ARL15: variants seen among roughly 807,000 people sequenced by gnomAD.
ARL15 encodes ADP-ribosylation factor-like protein 15.
Under a neutral mutation model 25.2 loss-of-function variants are expected in ARL15, and 19 were observed. The observed-to-expected ratio is 0.75, with a 90% CI of 0.53 to 1.10. The LOEUF (loss-of-function observed/expected upper bound fraction) is 1.10. ARL15 is among the 50% of genes least tolerant of loss of function. ARL15 has a pLI of 0.00. For synonymous variants in ARL15, 94 were observed against 86.8 expected (o/e 1.08, Z -0.46); for missense variants, 220 against 246.0 (o/e 0.89, Z 0.71).
chr5:54,072,820 T>C (rs1230506066), intron 4 of ARL15, among the ~76,000 whole-genome samples: 3 of 152,206 alleles, frequency 2.0e-5, no homozygotes, highest in Non-Finnish European at 2.9e-5. Context: ...TTAGAGACTT[T>C]ACTTTGTTTT....
In ARL15 at chr5:54,252,552, T is replaced by C. The variant is rs10068632; in HGVS notation, c.48+57880A>G. Among the ~76,000 whole-genome samples the C allele has an allele frequency of 7.6e-3, 1,147 of 150,944 alleles. 16 individuals carry two copies. Among genetic ancestry groups the C allele is most frequent in the African/African-American group, 0.027 (1,097 of 41,208 alleles). On this transcript the variant is annotated intron_variant, in intron 1 of 4. Coordinates refer to ENST00000504924, the MANE Select transcript of ARL15 (RefSeq NM_019087.3). ...CTCACCAGTTTAACCACCGACAGGG[T>C]TCATGTCACAGGATGAGGGTCAATC...
chr5:53,974,420 G>GA, intron 4 of ARL15, among the ~76,000 whole-genome samples: 1 of 152,244 alleles, frequency 6.6e-6, no homozygotes, highest in African/African-American at 2.4e-5. Flanking sequence ...CCCCTTTAAG[G>GA]AATTTCTGCC....
At chr5:54,019,475 G>C (rs1749529282) in intron 4 of ARL15, among the ~76,000 whole-genome samples, 1 of 152,140 alleles carries the variant, frequency 6.6e-6, no homozygotes, top group Non-Finnish European at 1.5e-5. Context: ...GCTATACCTA[G>C]AAATCTATTA....
At chr5:54,131,586 G>C (rs1753438039) in intron 3 of ARL15, among the ~76,000 whole-genome samples, 1 of 152,048 alleles carries the variant, frequency 6.6e-6, no homozygotes, top group Non-Finnish European at 1.5e-5. Context: ...TTTCTATTTT[G>C]TACCATTGTT....
At chr5:54,176,313 T>A (rs1456128873) in intron 1 of ARL15, among the ~76,000 whole-genome samples, 2 of 152,194 alleles carry the variant, frequency 1.3e-5, no homozygotes, top group East Asian at 1.9e-4. Flanking sequence ...TAGTGTCAGA[T>A]TTTGAGTCAA....
intron 3 of ARL15, among the ~76,000 whole-genome samples, chr5:54,120,867 T>C (rs1753051689): frequency 6.6e-6 from 1 of 152,070 alleles, no homozygotes; most frequent in Non-Finnish European, 1.5e-5. Context: ...CAGGATGAAA[T>C]AAGATCTTTT....
At chr5:53,970,731 T>G (rs1747725513) in intron 4 of ARL15, among the ~76,000 whole-genome samples, 1 of 152,224 alleles carries the variant, frequency 6.6e-6, no homozygotes, top group African/African-American at 2.4e-5. Flanking sequence ...CCATCCCACC[T>G]TGGGCAGTTT....
chr5:54,175,445 G>A (rs946488106), intron 1 of ARL15, among the ~76,000 whole-genome samples: 13 of 150,982 alleles, frequency 8.6e-5, no homozygotes, highest in Admixed American at 2.6e-4. Flanking sequence ...AGTGATTCTC[G>A]TGCCTCGGCT....
intron 1 of ARL15, among the ~76,000 whole-genome samples, chr5:54,229,208 C>T (rs1756601948): frequency 6.6e-6 from 1 of 152,306 alleles, no homozygotes; most frequent in African/African-American, 2.4e-5. Flanking sequence ...AATGCTTGGA[C>T]AGTAGCAAAA....
intron 4 of ARL15, among the ~76,000 whole-genome samples, chr5:54,000,114 A>ATGTATTATGGATTCAAAGAACACTCT (rs1344660750): frequency 7.2e-5 from 11 of 152,218 alleles, no homozygotes; most frequent in African/African-American, 2.6e-4. Flanking sequence ...CTGCAGACTG[A>ATGTATTATGGATTCAAAGAACACTCT]TGTATTATGG....
intron 4 of ARL15, among the ~76,000 whole-genome samples, chr5:54,084,286 G>A (rs1751888413): frequency 6.6e-6 from 1 of 152,080 alleles, no homozygotes; most frequent in Admixed American, 6.6e-5. Context: ...CGGATTCTCA[G>A]TCCACAGATG....
At chr5:54,284,786 C>G (rs1758145598) in intron 1 of ARL15, among the ~76,000 whole-genome samples, 2 of 152,176 alleles carry the variant, frequency 1.3e-5, no homozygotes, top group Non-Finnish European at 2.9e-5. Context: ...GAACATCCGA[C>G]CTCAGGCCAG....
intron 3 of ARL15, among the ~76,000 whole-genome samples, chr5:54,143,339 CT>C (rs1270698053): frequency 6.6e-6 from 1 of 151,820 alleles, no homozygotes; most frequent in African/African-American, 2.4e-5. Flanking sequence ...AATATGAAAT[CT>C]TTTTCTTTAG....
At chr5:54,010,410 G>T (rs60492935) in intron 4 of ARL15, among the ~76,000 whole-genome samples, 41,830 of 152,006 alleles carry the variant, frequency 0.28, 5,989 homozygotes, top group East Asian at 0.46. Flanking sequence ...CTAAACATTA[G>T]TATTTCCACT....
Position 53,933,567 on chromosome 5 carries a change from C to A in ARL15, c.463-46854G>T, listed in dbSNP as rs547756413. Among the ~76,000 whole-genome samples the A allele has an allele frequency of 2.0e-4, 29 of 142,138 alleles. 2 individuals are homozygous for A. The South Asian group carries it at 6.4e-3, about 31-fold the overall frequency. 93.2% of individuals were successfully genotyped at this position (142,138 alleles called of 152,430 possible). On this transcript the variant is annotated intron_variant, in intron 4 of 4. Coordinates refer to ENST00000504924, the MANE Select transcript of ARL15 (RefSeq NM_019087.3). ...GGCTGAGGCAGGAGAATGGCGTGAACCTGGGAGACAGAGCTTGCAGTGAGC... is the reference window on the plus strand; with the variant it reads ...GGCTGAGGCAGGAGAATGGCGTGAAACTGGGAGACAGAGCTTGCAGTGAGC...
At chr5:54,271,534 C>T (rs527673289) in intron 1 of ARL15, among the ~76,000 whole-genome samples, 2 of 152,214 alleles carry the variant, frequency 1.3e-5, no homozygotes, top group Admixed American at 6.5e-5. Flanking sequence ...ATGTTGGGTA[C>T]GAATGCAAAT....
chr5:54,038,061 T>C (rs1440150411), intron 4 of ARL15, among the ~76,000 whole-genome samples: 1 of 152,120 alleles, frequency 6.6e-6, no homozygotes, highest in Non-Finnish European at 1.5e-5. Flanking sequence ...TTGCCAACTG[T>C]ATATAACCTA....
intron 4 of ARL15, among the ~76,000 whole-genome samples, chr5:54,020,869 C>T (rs191936081): frequency 3.3e-4 from 50 of 151,742 alleles, no homozygotes; most frequent in Non-Finnish European, 6.3e-4. Flanking sequence ...GCAGGAGAAT[C>T]GCTTGAATCC....
At chr5:54,092,400 T>C (rs1752157270) in intron 4 of ARL15, among the ~76,000 whole-genome samples, 1 of 151,786 alleles carries the variant, frequency 6.6e-6, no homozygotes, top group Non-Finnish European at 1.5e-5. Context: ...ATACCTATAG[T>C]TCTTAGACAA....
Sources: gnomAD v4.1 joint callset for allele counts (sites outside exome capture counted in the v4.1 genomes callset) on GRCh38, gnomAD v4.1.1 for gene constraint, MANE v1.5 for transcripts, NCBI Gene and HGNC (gene_info 2026-07-23, HGNC 2026-07-21) for gene names.